Variants in MMP16 observed in about 807,000 individuals in gnomAD.
The protein encoded by MMP16 is matrix metalloproteinase-16.
In MMP16, 12 loss-of-function variants were observed where a neutral mutation model predicts 67.8. The ratio of observed to expected loss-of-function variants is 0.18; its 90% confidence interval spans 0.11 to 0.29. The LOEUF is 0.29. Among genes scored for constraint, MMP16 ranks in the 10% least tolerant of loss-of-function variants. The probability of loss-of-function intolerance (pLI) is 1.00; values close to 1 mark genes in which losing one functional copy is unlikely to be tolerated. For missense variants in MMP16, 475 were observed against 765.7 expected (o/e 0.62, Z 4.48); for synonymous variants, 249 against 255.9 (o/e 0.97, Z 0.26).
intron 8 of MMP16, among the ~76,000 whole-genome samples, chr8:88,048,794 T>A (rs1230417341): frequency 2.6e-5 from 4 of 152,194 alleles, no homozygotes; most frequent in African/African-American, 9.7e-5. Context: ...ATTTGGGAAA[T>A]GATACATTTA....
At chr8:88,207,857 G>A (rs1809453741) in intron 1 of MMP16, among the ~76,000 whole-genome samples, 1 of 152,136 alleles carries the variant, frequency 6.6e-6, no homozygotes, top group African/African-American at 2.4e-5. Context: ...AGAAAGCCTT[G>A]TCTATAGATT....
intron 4 of MMP16, among the ~76,000 whole-genome samples, chr8:88,147,777 T>TTGTGTG (rs55829907): frequency 1.5e-3 from 228 of 149,284 alleles, no homozygotes; most frequent in Non-Finnish European, 2.0e-3. Context: ...AAATATGTGT[T>TTGTGTG]TGTGTGTGTG....
At chr8:88,056,041 A>G (rs1808328118) in intron 8 of MMP16, 87 bp downstream of exon 8, 4 of 1,081,100 alleles carry the variant, frequency 3.7e-6, no homozygotes, top group Non-Finnish European at 5.0e-6. Context: ...GGATTCTTCA[A>G]CAGCTGATGC....
intron 6 of MMP16, 46 bp downstream of exon 6, chr8:88,116,461 A>T: frequency 6.6e-7 from 1 of 1,506,352 alleles, no homozygotes; most frequent in Non-Finnish European, 9.2e-7. Flanking sequence ...AAGCAACACT[A>T]GACACTTGAT....
At chr8:88,242,657 A>G (rs920424786) in intron 1 of MMP16, among the ~76,000 whole-genome samples, 1 of 152,192 alleles carries the variant, frequency 6.6e-6, no homozygotes, top group African/African-American at 2.4e-5. Flanking sequence ...TGCCACATGA[A>G]TGCTGAAACT....
At chr8:88,287,464 T>C (rs932344982) in intron 1 of MMP16, among the ~76,000 whole-genome samples, 4 of 152,234 alleles carry the variant, frequency 2.6e-5, no homozygotes, top group Non-Finnish European at 4.4e-5. Flanking sequence ...ATCTTCTTCA[T>C]AGCAGCTACC....
chr8:88,220,914 AG>A (rs1809672089), intron 1 of MMP16, among the ~76,000 whole-genome samples: 2 of 152,166 alleles, frequency 1.3e-5, no homozygotes, highest in Admixed American at 6.6e-5. Flanking sequence ...CTACTAAATT[AG>A]AAAATAAATA....
At chr8:88,122,890 T>C (rs1807862908) in intron 4 of MMP16, among the ~76,000 whole-genome samples, 2 of 151,526 alleles carry the variant, frequency 1.3e-5, no homozygotes, top group Non-Finnish European at 2.9e-5. Context: ...ATCTTATCTC[T>C]CTCTCTCTCT....
chr8:88,113,443 A>G (rs149100025), intron 6 of MMP16, among the ~76,000 whole-genome samples: 2 of 151,850 alleles, frequency 1.3e-5, no homozygotes. Flanking sequence ...GAAAGTAGAA[A>G]ATCAACTTTT....
intron 9 of MMP16, among the ~76,000 whole-genome samples, chr8:88,045,516 A>T (rs1346808212): frequency 6.6e-6 from 1 of 152,008 alleles, no homozygotes; most frequent in Non-Finnish European, 1.5e-5. Flanking sequence ...GACTACAGGT[A>T]CATGCCACCA....
intron 2 of MMP16, among the ~76,000 whole-genome samples, chr8:88,194,443 A>T (rs1362806212): frequency 2.0e-5 from 3 of 152,108 alleles, no homozygotes; most frequent in Admixed American, 6.6e-5. Flanking sequence ...TTCAGCATGG[A>T]TTGTTACCAC....
Position 88,186,558 on chromosome 8 carries a change from T to C in MMP16, c.322A>G (p.Arg108Gly), listed in dbSNP as rs1181413511. ...KPRCGVPDQTRGSSKFHIRRK... is the reference protein window; with the variant it reads ...KPRCGVPDQTGGSSKFHIRRK... ...CGAATATGAAATTTGGAGCTACCTC[T>C]TGTCTGGTCAGGTACACCGCATCGG... Residue 108 changes from arginine to glycine, a missense_variant, in exon 3 of 10, where the codon AGA (arginine) becomes GGA (glycine). Physicochemically the swap from Arg to Gly is moderately radical, Grantham distance 125. Transcript: ENST00000286614. The C allele has an allele frequency of 1.2e-6, 2 of 1,610,488 alleles. No homozygotes were observed. The highest frequency in any genetic ancestry group is 1.7e-6 in the Non-Finnish European group (2 of 1,179,250).
chr8:88,320,101 C>T (rs920932308), intron 1 of MMP16, among the ~76,000 whole-genome samples: 1 of 152,142 alleles, frequency 6.6e-6, no homozygotes, highest in South Asian at 2.1e-4. Flanking sequence ...CAACTAAAAA[C>T]ATTTCTTAGG....
At chr8:88,278,054 A>C (rs1810676620) in intron 1 of MMP16, among the ~76,000 whole-genome samples, 1 of 152,186 alleles carries the variant, frequency 6.6e-6, no homozygotes, top group Non-Finnish European at 1.5e-5. Context: ...GGCAGGCAAA[A>C]TGGCTAAAAA....
intron 6 of MMP16, among the ~76,000 whole-genome samples, chr8:88,082,488 A>G (rs1808768403): frequency 6.6e-6 from 1 of 152,150 alleles, no homozygotes; most frequent in Non-Finnish European, 1.5e-5. Flanking sequence ...CATATGATAT[A>G]CTATAATAGA....
chr8:88,082,720 A>G (rs1445698319), intron 6 of MMP16, among the ~76,000 whole-genome samples: 1 of 152,100 alleles, frequency 6.6e-6, no homozygotes, highest in South Asian at 2.1e-4. Context: ...AAATGGGTGA[A>G]GCATACTAAA....
At chr8:88,071,940 A>G (rs1189197881) in intron 7 of MMP16, among the ~76,000 whole-genome samples, 1 of 152,192 alleles carries the variant, frequency 6.6e-6, no homozygotes, top group Non-Finnish European at 1.5e-5. Context: ...GCCCAGTTTA[A>G]GATATTGGGG....
chr8:88,129,222 G>T (rs925370542), intron 4 of MMP16, among the ~76,000 whole-genome samples: 1 of 151,688 alleles, frequency 6.6e-6, no homozygotes, highest in Non-Finnish European at 1.5e-5. Flanking sequence ...ATTAGTAATA[G>T]AATTTAAAAG....
At chr8:88,158,441 G>GC (rs1808552821) in intron 4 of MMP16, among the ~76,000 whole-genome samples, 1 of 152,148 alleles carries the variant, frequency 6.6e-6, no homozygotes, top group Admixed American at 6.6e-5. Context: ...ACTTTTTCAT[G>GC]TGTCTGTTGG....
Sources: gnomAD v4.1 joint callset for allele counts (sites outside exome capture counted in the v4.1 genomes callset) on GRCh38, gnomAD v4.1.1 for gene constraint, MANE v1.5 for transcripts, NCBI Gene and HGNC (gene_info 2026-07-23, HGNC 2026-07-21) for gene names.